PTPRD: variants seen among roughly 807,000 people sequenced by gnomAD.
PTPRD encodes the protein protein tyrosine phosphatase receptor type D.
Under a neutral mutation model 214.5 loss-of-function variants are expected in PTPRD, and 34 were observed. The ratio of observed to expected loss-of-function variants is 0.16; its 90% CI spans 0.12 to 0.21. The LOEUF is 0.21. Ranked by LOEUF, PTPRD falls within the 10% of genes least tolerant of loss-of-function variation. PTPRD has a pLI of 1.00. For missense variants in PTPRD, 2,545 were observed against 2,398.7 expected (o/e 1.06, Z -1.27); for synonymous variants, 1,128 against 845.7 (o/e 1.33, Z -5.79).
At chr9:9,953,061 T>A (rs544801134) in intron 4 of PTPRD, among the ~76,000 whole-genome samples, 76 of 152,228 alleles carry the variant, frequency 5.0e-4, no homozygotes, top group African/African-American at 1.5e-3. Flanking sequence ...CATCAAAGAC[T>A]TGAAAAATGC....
chr9:9,560,774 G>GCTTA (rs139456097), intron 8 of PTPRD, among the ~76,000 whole-genome samples: 2,742 of 152,268 alleles, frequency 0.018, 41 homozygotes, highest in Admixed American at 0.026. Context: ...CTCTTACACA[G>GCTTA]CTTAAAGTAG....
rs1368692477 is a variant in PTPRD at position 8,315,134 on chromosome 9, C to T, written c.*2740G>A. ...GTAATGGCAGATAAAGATGGTTCAC[C>T]TGGGAAATTAAAACTTGAATGGTTG... On this transcript the variant is annotated 3_prime_UTR_variant, in exon 46 of 46. Transcript: ENST00000381196. 4 of 232,446 alleles carry T rather than the reference C, an allele frequency of 1.7e-5. No individual in the cohort carries two copies. The highest frequency in any genetic ancestry group is 3.4e-5 in the Non-Finnish European group (4 of 117,378). The allele number at this position is 232,446 out of a possible 1,614,324, so 14.4% of individuals were successfully genotyped here.
At chr9:10,012,553 A>T (rs2096623371) in intron 4 of PTPRD, among the ~76,000 whole-genome samples, 1 of 152,012 alleles carries the variant, frequency 6.6e-6, no homozygotes, top group East Asian at 1.9e-4. Flanking sequence ...CATACATTAG[A>T]TTACTAAACT....
intron 39 of PTPRD, among the ~76,000 whole-genome samples, chr9:8,373,567 C>G (rs1343928373): frequency 6.6e-6 from 1 of 151,716 alleles, no homozygotes; most frequent in East Asian, 1.9e-4. Context: ...AGTAGCCTGT[C>G]TCTCTCAGAG....
At chr9:8,592,881 A>C (rs2094215984) in intron 14 of PTPRD, among the ~76,000 whole-genome samples, 1 of 152,258 alleles carries the variant, frequency 6.6e-6, no homozygotes, top group African/African-American at 2.4e-5. Context: ...GTAGCACCTA[A>C]GTTGAATCGT....
At position 8,898,995 on chromosome 9, in the gene PTPRD, C is replaced by A. The variant is rs577597877; in HGVS notation, c.-104+119702G>T. 5.3e-5 allele frequency among the ~76,000 whole-genome samples: 8 copies of A among 152,224 alleles called. No homozygotes were observed. In the East Asian group the frequency reaches 1.5e-3, roughly 29 times the overall value. ...AAGTGGAGTATTTTAATAAAAGTGA[C>A]TTCATGAAAATTTGTCATTTTGGAT... On this transcript the variant is annotated intron_variant, in intron 11 of 45. Transcript: ENST00000381196.
chr9:10,067,507 A>G (rs969038085), intron 3 of PTPRD, among the ~76,000 whole-genome samples: 3 of 151,950 alleles, frequency 2.0e-5, no homozygotes, highest in African/African-American at 7.2e-5. Flanking sequence ...GCAGTGAGAT[A>G]TCTAACAATT....
intron 3 of PTPRD, among the ~76,000 whole-genome samples, chr9:10,160,575 C>A (rs1474020298): frequency 2.6e-5 from 4 of 151,774 alleles, no homozygotes; most frequent in African/African-American, 9.7e-5. Flanking sequence ...AAAAAACATA[C>A]CTCATGAAAA....
intron 10 of PTPRD, among the ~76,000 whole-genome samples, chr9:9,121,454 G>GTATA (rs144589644): frequency 1.3e-5 from 2 of 150,672 alleles, no homozygotes; most frequent in Non-Finnish European, 3.0e-5. Context: ...AGAAACTTTG[G>GTATA]TATATATATA....
At chr9:8,324,263 C>T (rs945723935) in intron 44 of PTPRD, among the ~76,000 whole-genome samples, 5 of 152,090 alleles carry the variant, frequency 3.3e-5, no homozygotes, top group Admixed American at 3.3e-4. Flanking sequence ...CCCCCACCCC[C>T]TGGCAGGCCC....
At chr9:8,848,313 C>CTTT (rs371491854) in intron 11 of PTPRD, among the ~76,000 whole-genome samples, 2 of 132,680 alleles carry the variant, frequency 1.5e-5, no homozygotes, top group Admixed American at 7.7e-5. Context: ...AAGATTTTTC[C>CTTT]TTTTTTTTTT....
At chr9:8,681,222 T>G (rs879293329) in intron 12 of PTPRD, among the ~76,000 whole-genome samples, 1 of 151,860 alleles carries the variant, frequency 6.6e-6, no homozygotes, top group Non-Finnish European at 1.5e-5. Context: ...CTTTTAGATG[T>G]TAGAAATCAG....
At chr9:10,135,012 G>A (rs1342769590) in intron 3 of PTPRD, among the ~76,000 whole-genome samples, 1 of 152,016 alleles carries the variant, frequency 6.6e-6, no homozygotes, top group East Asian at 1.9e-4. Flanking sequence ...AGATGACATA[G>A]CAATTTTTTA....
At chr9:10,055,429 T>C (rs933066792) in intron 3 of PTPRD, among the ~76,000 whole-genome samples, 2 of 152,122 alleles carry the variant, frequency 1.3e-5, no homozygotes, top group Non-Finnish European at 2.9e-5. Flanking sequence ...TGTGTTCTAA[T>C]GGAGTAGTTA....
intron 3 of PTPRD, among the ~76,000 whole-genome samples, chr9:10,069,694 G>A (rs539832784): frequency 1.3e-5 from 2 of 152,014 alleles, no homozygotes; most frequent in African/African-American, 4.8e-5. Context: ...AAAAGAAGTA[G>A]TGCATATGAG....
At chr9:8,658,199 T>C (rs922002834) in intron 12 of PTPRD, among the ~76,000 whole-genome samples, 1 of 152,208 alleles carries the variant, frequency 6.6e-6, no homozygotes, top group Non-Finnish European at 1.5e-5. Flanking sequence ...GTATAACAGA[T>C]TTTATGGGAA....
intron 7 of PTPRD, among the ~76,000 whole-genome samples, chr9:9,578,105 T>C (rs546748068): frequency 1.3e-4 from 19 of 149,560 alleles, no homozygotes; most frequent in Non-Finnish European, 2.4e-4. Flanking sequence ...TTTGTACTAC[T>C]TATTTGAGGA....
intron 2 of PTPRD, among the ~76,000 whole-genome samples, chr9:10,369,413 G>T (rs1420413520): frequency 6.6e-6 from 1 of 152,020 alleles, no homozygotes; most frequent in Non-Finnish European, 1.5e-5. Context: ...GGCGGGGACA[G>T]AGTGGAGACA....
intron 9 of PTPRD, among the ~76,000 whole-genome samples, chr9:9,363,084 T>A (rs1396263286): frequency 6.7e-6 from 1 of 148,752 alleles, no homozygotes; most frequent in African/African-American, 2.5e-5. Flanking sequence ...GGAAGAATAA[T>A]TATCAGGAAA....
Sources: allele counts gnomAD v4.1 joint callset (sites outside exome capture counted in the v4.1 genomes callset), GRCh38; gene constraint gnomAD v4.1.1; transcripts MANE v1.5; gene names NCBI Gene and HGNC (gene_info 2026-07-23, HGNC 2026-07-21).